Variants in PLD5 observed in about 807,000 individuals in gnomAD.
PLD5 encodes the protein phospholipase D family member 5, also known as inactive phospholipase D5.
PLD5 carries 36 observed loss-of-function variants against 61.1 expected under a neutral mutation model. The ratio of observed to expected loss-of-function variants is 0.59; its 90% CI spans 0.45 to 0.78. PLD5 has a LOEUF of 0.78. Ranked by LOEUF, PLD5 falls within the 30% of genes least tolerant of loss-of-function variation. The pLI, the probability that PLD5 is intolerant of heterozygous loss-of-function variation, is 0.00. For synonymous variants in PLD5, 243 were observed against 242.8 expected (o/e 1.00, Z -0.01); for missense variants, 515 against 644.4 (o/e 0.80, Z 2.17).
chr1:242,261,298 G>A (rs1262304906), intron 4 of PLD5, among the ~76,000 whole-genome samples: 8 of 152,236 alleles, frequency 5.3e-5, no homozygotes, highest in East Asian at 1.9e-4. Flanking sequence ...ACGACCCTCC[G>A]TAAGTATAAA....
intron 1 of PLD5, among the ~76,000 whole-genome samples, chr1:242,386,876 T>C (rs957393833): frequency 6.6e-6 from 1 of 152,196 alleles, no homozygotes; most frequent in Non-Finnish European, 1.5e-5. Context: ...TTAGGGGAAG[T>C]AGAGGAAGCA....
intron 1 of PLD5, among the ~76,000 whole-genome samples, chr1:242,523,450 G>T (rs1272525121): frequency 6.6e-6 from 1 of 151,836 alleles, no homozygotes; most frequent in African/African-American, 2.4e-5. Flanking sequence ...CCTCTCACCG[G>T]CTCCCACCCT....
Position 242,084,857 on chromosome 1 carries a change from G to A in PLD5, c.*4997C>T, listed in dbSNP as rs984668329. ...AAACAGTGGGCCCATTGGACCAGTC[G>A]CATCTACCTTCTTCATAATTTACCA... On this transcript the variant is annotated 3_prime_UTR_variant, in exon 10 of 10. Transcript: ENST00000536534. The A allele has an allele frequency of 1.4e-5, 2 of 141,078 alleles. No homozygotes were observed. Among genetic ancestry groups the A allele is most frequent in the South Asian group, 2.3e-4 (1 of 4,284 alleles). 8.7% of individuals were successfully genotyped at this position (141,078 alleles called of 1,614,324 possible).
intron 3 of PLD5, among the ~76,000 whole-genome samples, chr1:242,276,168 T>G (rs1323610509): frequency 6.6e-6 from 1 of 151,194 alleles, no homozygotes; most frequent in Non-Finnish European, 1.5e-5. Flanking sequence ...CCAGACACAT[T>G]TCTAAAAATA....
intron 1 of PLD5, among the ~76,000 whole-genome samples, chr1:242,377,911 T>C (rs1482769129): frequency 6.6e-6 from 1 of 152,130 alleles, no homozygotes; most frequent in Non-Finnish European, 1.5e-5. Context: ...CTATACATTG[T>C]TGGTGGGAAT....
At chr1:242,517,711 C>T (rs537825083) in intron 1 of PLD5, among the ~76,000 whole-genome samples, 2 of 152,230 alleles carry the variant, frequency 1.3e-5, no homozygotes, top group Non-Finnish European at 2.9e-5. Context: ...GTTTATACAA[C>T]TTTAAACATC....
rs558892537 is a variant in PLD5 at position 242,424,669 on chromosome 1, C to T, written c.190-76427G>A. Reference sequence around the variant, plus strand: ...GGGTTTCCTCTCTGGGGTCCACTGTCATGGCCTTCGTTTAGAAACTAATTG... The same window carrying T: ...GGGTTTCCTCTCTGGGGTCCACTGTTATGGCCTTCGTTTAGAAACTAATTG... On this transcript the variant is annotated intron_variant, in intron 1 of 9. Transcript: ENST00000536534. 3.2e-4 allele frequency among the ~76,000 whole-genome samples: 48 copies of T among 152,242 alleles called. No homozygotes were observed. The Middle Eastern group carries it at 0.014, about 43-fold the overall frequency.
rs191368193 is a variant in PLD5, at chr1:242,113,180, C to T, written c.1070+710G>A. 2.1e-3 allele frequency among the ~76,000 whole-genome samples: 320 copies of T among 149,652 alleles called. 4 individuals carry two copies. The highest frequency in any genetic ancestry group is 7.6e-3 in the African/African-American group (310 of 40,640). ...TCTTGGCTCACTGCAAACTCCGCCT[C>T]CCAGGTTGATGCCATTCTCCCGCCT... On this transcript the variant is annotated intron_variant, in intron 7 of 9. Transcript: ENST00000536534.
At chr1:242,215,142 C>T (rs1012753315) in intron 5 of PLD5, among the ~76,000 whole-genome samples, 1 of 151,154 alleles carries the variant, frequency 6.6e-6, no homozygotes, top group African/African-American at 2.4e-5. Flanking sequence ...CCCACCTCAG[C>T]CTCCCAAAGT....
chr1:242,335,424 G>T (rs1191933971), intron 2 of PLD5, among the ~76,000 whole-genome samples: 1 of 152,142 alleles, frequency 6.6e-6, no homozygotes, highest in African/African-American at 2.4e-5. Flanking sequence ...ACACCATTTG[G>T]AGATGTAGTT....
intron 5 of PLD5, among the ~76,000 whole-genome samples, chr1:242,182,455 C>T (rs1258437531): frequency 6.6e-6 from 1 of 152,192 alleles, no homozygotes; most frequent in South Asian, 2.1e-4. Context: ...TTATTCCCTA[C>T]CTTTCCTTGC....
chr1:242,508,356 G>A (rs2809991), intron 1 of PLD5, among the ~76,000 whole-genome samples: 152,010 of 152,018 alleles, frequency 1, 76,001 homozygotes, highest in Middle Eastern at 1. Context: ...CTGGGCAACA[G>A]GGGTGAAACT....
At chr1:242,420,409 G>C (rs543900051) in intron 1 of PLD5, among the ~76,000 whole-genome samples, 2 of 151,778 alleles carry the variant, frequency 1.3e-5, no homozygotes, top group Non-Finnish European at 2.9e-5. Context: ...CTACTACCAG[G>C]GTCAACAACT....
At chr1:242,095,086 G>A (rs1001180815) in intron 9 of PLD5, among the ~76,000 whole-genome samples, 9 of 152,066 alleles carry the variant, frequency 5.9e-5, no homozygotes, top group East Asian at 3.9e-4. Context: ...ACAGGTGCCC[G>A]CCACCACGCC....
At chr1:242,344,869 G>A (rs1660039259) in intron 2 of PLD5, among the ~76,000 whole-genome samples, 1 of 152,076 alleles carries the variant, frequency 6.6e-6, no homozygotes, top group Admixed American at 6.6e-5. Flanking sequence ...GGTATAATTG[G>A]ACTTACAGTT....
rs370159611 is a variant in PLD5, at chr1:242,482,148, C to T, written c.189+41940G>A. 3.2e-4 allele frequency among the ~76,000 whole-genome samples: 48 copies of T among 152,272 alleles called. No individual in the cohort carries two copies. The East Asian group carries it at 6.6e-3, about 21-fold the overall frequency. On this transcript the variant is annotated intron_variant, in intron 1 of 9. Transcript: ENST00000536534. ...AAACTGAAAATTCTAAAAATCAGAG[C>T]GCCTCTCCTCCTCCAAAGGAATGCA... is the stretch of plus-strand genomic sequence containing the variant.
chr1:242,529,824 T>TTCCTTCCA, the PLD5 span, among the ~76,000 whole-genome samples: 1 of 148,864 alleles, frequency 6.7e-6, no homozygotes, highest in African/African-American at 2.5e-5. Flanking sequence ...CCTTCCTTCC[T>TTCCTTCCA]TCTTCTTCTC....
rs1228071531 is a variant in PLD5 at position 242,083,222 on chromosome 1, T to G, written c.*6632A>C. On this transcript the variant is annotated 3_prime_UTR_variant, in exon 10 of 10. Coordinates refer to ENST00000536534, the MANE Select transcript of PLD5 (RefSeq NM_001372062.1). ...GTGTCTATTCTGGCTGTGCTTCCTA[T>G]TCATCATTTACTTTCTGGTGTTCAA... 1 of 152,174 alleles carries G rather than the reference T, an allele frequency of 6.6e-6. No homozygotes were observed. The highest frequency in any genetic ancestry group is 1.9e-4 in the East Asian group (1 of 5,190). The allele number at this position is 152,174 out of a possible 1,614,324, so 9.4% of individuals were successfully genotyped here. A position where few individuals can be genotyped will look rare whatever the true frequency, so the allele number is the denominator to read the frequency against.
At chr1:242,504,595 T>A (rs772900621) in intron 1 of PLD5, among the ~76,000 whole-genome samples, 2 of 152,204 alleles carry the variant, frequency 1.3e-5, no homozygotes, top group Non-Finnish European at 2.9e-5. Context: ...AACTGTGATA[T>A]CTAAAAATAA....
Sources: allele counts gnomAD v4.1 joint callset (sites outside exome capture counted in the v4.1 genomes callset), GRCh38; gene constraint gnomAD v4.1.1; transcripts MANE v1.5; gene names NCBI Gene and HGNC (gene_info 2026-07-23, HGNC 2026-07-21).